The following ME2 variants were observed in gnomAD, a reference collection of about 807,000 sequenced individuals.
ME2 encodes NAD-dependent malic enzyme, mitochondrial.
A neutral mutation model predicts 73.7 loss-of-function variants in ME2; 60 were observed. The ratio of observed to expected loss-of-function variants is 0.81; its 90% CI spans 0.66 to 1.01. The LOEUF (loss-of-function observed/expected upper bound fraction) is 1.01. Among genes scored for constraint, ME2 ranks in the 50% least tolerant of loss-of-function variants. The pLI is 0.00. For missense variants in ME2, 594 were observed against 705.5 expected (o/e 0.84, Z 1.79); for synonymous variants, 199 against 236.9 (o/e 0.84, Z 1.47).
intron 2 of ME2, among the ~76,000 whole-genome samples, chr18:50,903,525 C>T (rs1391746345): frequency 6.6e-6 from 1 of 151,992 alleles, no homozygotes; most frequent in Non-Finnish European, 1.5e-5. Flanking sequence ...GTCATGGCTC[C>T]CTGCAGCCTC....
chr18:50,885,816 A>G (rs969442740), intron 1 of ME2, among the ~76,000 whole-genome samples: 1 of 152,202 alleles, frequency 6.6e-6, no homozygotes, highest in Non-Finnish European at 1.5e-5. Context: ...GTATAATAAT[A>G]AATGGAAATA....
chr18:50,899,498 T>C (rs1056802353), intron 2 of ME2, among the ~76,000 whole-genome samples: 1 of 152,068 alleles, frequency 6.6e-6, no homozygotes, highest in Non-Finnish European at 1.5e-5. Flanking sequence ...ATGCCTATAG[T>C]TTCAGCTACT....
At chr18:50,924,439 A>G (rs1238478671) in intron 11 of ME2, among the ~76,000 whole-genome samples, 2 of 152,266 alleles carry the variant, frequency 1.3e-5, no homozygotes, top group East Asian at 1.9e-4. Flanking sequence ...ATTTGCTTTT[A>G]GAGTTGGTAT....
At chr18:50,885,544 T>C (rs1916441892) in intron 1 of ME2, among the ~76,000 whole-genome samples, 1 of 152,092 alleles carries the variant, frequency 6.6e-6, no homozygotes, top group African/African-American at 2.4e-5. Context: ...TAAAACTTTT[T>C]TTAAATGACA....
At chr18:50,922,364 C>T (rs1917449281) in intron 10 of ME2, among the ~76,000 whole-genome samples, 1 of 152,138 alleles carries the variant, frequency 6.6e-6, no homozygotes, top group African/African-American at 2.4e-5. Context: ...TTATAAGTGA[C>T]GGAGGTAGGA....
intron 13 of ME2, chr18:50,935,479 A>G (rs1917793966): frequency 6.6e-6 from 1 of 152,002 alleles, no homozygotes; most frequent in South Asian, 2.1e-4. Flanking sequence ...GTAGTGGCTC[A>G]TGCCTGTAAT....
intron 1 of ME2, among the ~76,000 whole-genome samples, chr18:50,893,037 A>C (rs528979216): frequency 6.7e-6 from 1 of 150,104 alleles, no homozygotes; most frequent in South Asian, 2.1e-4. Flanking sequence ...GGGCAGGAGA[A>C]TCACTTGAAA....
At chr18:50,898,088 G>T (rs1916794736) in intron 2 of ME2, among the ~76,000 whole-genome samples, 1 of 152,122 alleles carries the variant, frequency 6.6e-6, no homozygotes, top group Admixed American at 6.5e-5. Context: ...AATCTCATTT[G>T]TGCTTCAAAT....
Position 50,925,742 on chromosome 18 carries a change from C to T in ME2, c.1172-14C>T, listed in dbSNP as rs372957830. Reference sequence around the variant, plus strand: ...TATAATGAAGTTGCTGTTTTTCCCCCTTACTTATTACAGGAGTTGCAGGTG... The same window carrying T: ...TATAATGAAGTTGCTGTTTTTCCCCTTTACTTATTACAGGAGTTGCAGGTG... On this transcript the variant is annotated splice_polypyrimidine_tract_variant and intron_variant, in intron 11 of 15. Coordinates refer to ENST00000321341, the MANE Select transcript of ME2 (RefSeq NM_002396.5). 6.2e-7 allele frequency: 1 copy of T among 1,612,422 alleles called. No homozygotes were observed. Among genetic ancestry groups the T allele is most frequent in the South Asian group, 1.1e-5 (1 of 90,996 alleles).
Position 50,951,773 on chromosome 18 carries a change from G to C in ME2, c.*4589G>C, listed in dbSNP as rs1918229994. On this transcript the variant is annotated 3_prime_UTR_variant, in exon 16 of 16. Coordinates refer to ENST00000321341, the MANE Select transcript of ME2 (RefSeq NM_002396.5). ...GGCGCCTGTAGTCCCAGGTACTCGGGAGTCTGAGGAGTGAACCCGGGAGGT... is the reference window on the plus strand; with the variant it reads ...GGCGCCTGTAGTCCCAGGTACTCGGCAGTCTGAGGAGTGAACCCGGGAGGT... 1 of 147,086 alleles carries C rather than the reference G, an allele frequency of 6.8e-6. No homozygotes were observed. Among genetic ancestry groups the C allele is most frequent in the South Asian group, 2.2e-4 (1 of 4,538 alleles). 9.1% of individuals were successfully genotyped at this position (147,086 alleles called of 1,614,324 possible). A position where few individuals can be genotyped will look rare whatever the true frequency, so the allele number is the denominator to read the frequency against.
At chr18:50,943,995 G>A (rs1347456232) in intron 15 of ME2, among the ~76,000 whole-genome samples, 2 of 152,076 alleles carry the variant, frequency 1.3e-5, no homozygotes, top group Non-Finnish European at 1.5e-5. Flanking sequence ...GCAGGAGGAT[G>A]ACTTGAGGCT....
At chr18:50,916,147 G>C (rs1031074682) in intron 4 of ME2, 21 bp from the exon 5 acceptor site, 1 of 1,547,924 alleles carries the variant, frequency 6.5e-7, no homozygotes, top group African/African-American at 1.4e-5. Context: ...GAAATGCAAA[G>C]GTGTTTTTGT....
chr18:50,879,785 T>A (rs954497784), intron 1 of ME2, among the ~76,000 whole-genome samples: 1 of 152,254 alleles, frequency 6.6e-6, no homozygotes, highest in East Asian at 1.9e-4. Context: ...AAAAAAAGAC[T>A]TGCTGCGGGC....
chr18:50,939,740 A>G, intron 14 of ME2, 100 bp downstream of exon 14: 1 of 736,640 alleles, frequency 1.4e-6, no homozygotes, highest in South Asian at 2.0e-5. Flanking sequence ...AATCTGCCTT[A>G]TTAATGAAAA....
chr18:50,934,089 T>C (rs1917762821), intron 13 of ME2: 1 of 152,186 alleles, frequency 6.6e-6, no homozygotes, highest in Non-Finnish European at 1.5e-5. Context: ...TTGATGGGCA[T>C]TTAGATTAAT....
At position 50,908,049 on chromosome 18, in the gene ME2, T is replaced by C. The variant is rs1917056924; in HGVS notation, c.109-14T>C. ...TAAGTAATAATTTTTAATCCTTTTA[T>C]TTCTCCTCTTTAGGGAATGGCATTT... On this transcript the variant is annotated splice_polypyrimidine_tract_variant and intron_variant, in intron 2 of 15. Coordinates refer to ENST00000321341, the MANE Select transcript of ME2 (RefSeq NM_002396.5). 1.3e-6 allele frequency: 2 copies of C among 1,525,588 alleles called. No homozygotes were observed. Among genetic ancestry groups the C allele is most frequent in the East Asian group, 4.7e-5 (2 of 42,740 alleles). The allele number at this position is 1,525,588 out of a possible 1,614,324, so 94.5% of individuals were successfully genotyped here. A position where few individuals can be genotyped will look rare whatever the true frequency, so the allele number is the denominator to read the frequency against.
intron 4 of ME2, chr18:50,913,152 T>C: frequency 2.6e-6 from 1 of 386,456 alleles, no homozygotes. Context: ...CATAATTCAT[T>C]TCTAATCTTC....
In ME2 at chr18:50,914,867, C is replaced by T. The variant is rs79233688; in HGVS notation, c.393-1301C>T. On this transcript the variant is annotated intron_variant, in intron 4 of 15. Coordinates refer to ENST00000321341, the MANE Select transcript of ME2 (RefSeq NM_002396.5). ...TCTTTTTTTCCTCCTTCTCTCCCTTCCTTCTTTGCTTTCTCTTTTGAAATC... is the reference window on the plus strand; with the variant it reads ...TCTTTTTTTCCTCCTTCTCTCCCTTTCTTCTTTGCTTTCTCTTTTGAAATC... Among the ~76,000 whole-genome samples the T allele has an allele frequency of 4.3e-3, 653 of 152,290 alleles. 10 individuals carry two copies. In the East Asian group the frequency reaches 0.064, roughly 15 times the overall value.
intron 1 of ME2, among the ~76,000 whole-genome samples, chr18:50,882,981 A>G (rs935182512): frequency 1.3e-5 from 2 of 152,180 alleles, no homozygotes; most frequent in Non-Finnish European, 2.9e-5. Flanking sequence ...AACTACTGCA[A>G]TCTACTGTCC....
Sources: allele counts gnomAD v4.1 joint callset (sites outside exome capture counted in the v4.1 genomes callset), GRCh38; gene constraint gnomAD v4.1.1; transcripts MANE v1.5; gene names NCBI Gene and HGNC (gene_info 2026-07-23, HGNC 2026-07-21).